PDE4D: variants seen among roughly 807,000 people sequenced by gnomAD.
PDE4D encodes 3',5'-cyclic-AMP phosphodiesterase 4D.
PDE4D carries 24 observed loss-of-function variants against 87.4 expected under a neutral mutation model. That is an observed-to-expected ratio of 0.27 (90% CI 0.20 to 0.39). The LOEUF (loss-of-function observed/expected upper bound fraction) is 0.39, where lower values mean the gene tolerates loss of function less well. Ranked by LOEUF, PDE4D falls within the 10% of genes least tolerant of loss-of-function variation. The pLI is 1.00. For missense variants in PDE4D, 714 were observed against 1,041.0 expected, an observed-to-expected ratio of 0.69 and a Z score of 4.32; for synonymous variants, 384 against 383.2, an observed-to-expected ratio of 1.00 and a Z score of -0.02.
chr5:59,848,712 T>C (rs956084606), intron 1 of PDE4D, among the ~76,000 whole-genome samples: 2 of 151,980 alleles, frequency 1.3e-5, no homozygotes, highest in Non-Finnish European at 2.9e-5. Context: ...AGGGCTAATA[T>C]AGGAAGTATT....
At position 59,257,037 on chromosome 5, in the gene PDE4D, A is replaced by G. The variant is rs1044061040; in HGVS notation, c.456-41069T>C. On this transcript the variant is annotated intron_variant, in intron 1 of 14. Transcript: ENST00000340635. ...AGAGGGGGGATGAGCATAGAATAATAAAGTGATACATACATCTTTAATAAA... is the reference window on the plus strand; with the variant it reads ...AGAGGGGGGATGAGCATAGAATAATGAAGTGATACATACATCTTTAATAAA... Among the ~76,000 whole-genome samples, 5 of 152,096 alleles carry G rather than the reference A, an allele frequency of 3.3e-5. No individual in the cohort carries two copies. In the South Asian group the frequency reaches 1.0e-3, roughly 31 times the overall value.
intron 5 of PDE4D, chr5:59,179,685 TTAA>T (rs1741021032): frequency 2.2e-6 from 1 of 457,472 alleles, no homozygotes. Flanking sequence ...CACTAATAAC[TTAA>T]TAAGAGCTCC....
rs79989252 is a variant in PDE4D, at chr5:59,910,281, T to C, written c.272+78207A>G. Among the ~76,000 whole-genome samples, 234 of 152,334 alleles carry C rather than the reference T, an allele frequency of 1.5e-3. 1 individual carries two copies. The highest frequency in any genetic ancestry group is 5.3e-3 in the African/African-American group (219 of 41,578). Reference sequence around the variant, plus strand: ...TTCAACTATTCTCCTAGCATACCTATAGACAATGAATAAATAATTTTGAAA... The same window carrying C: ...TTCAACTATTCTCCTAGCATACCTACAGACAATGAATAAATAATTTTGAAA... On this transcript the variant is annotated intron_variant, in intron 3 of 16. Coordinates refer to the PDE4D transcript ENST00000502484.
At chr5:59,403,186 T>C (rs1790997816) in intron 1 of PDE4D, among the ~76,000 whole-genome samples, 1 of 147,000 alleles carries the variant, frequency 6.8e-6, no homozygotes, top group South Asian at 2.2e-4. Context: ...GATAGATAGA[T>C]AGATTGATTG....
At chr5:59,355,639 A>C (rs887843714) in intron 1 of PDE4D, among the ~76,000 whole-genome samples, 1 of 152,178 alleles carries the variant, frequency 6.6e-6, no homozygotes, top group African/African-American at 2.4e-5. Context: ...ATTTTGAAAT[A>C]AAAATAAATG....
intron 1 of PDE4D, among the ~76,000 whole-genome samples, chr5:59,356,593 T>C (rs972628926): frequency 6.6e-6 from 1 of 152,200 alleles, no homozygotes; most frequent in Non-Finnish European, 1.5e-5. Context: ...CGTACCTACA[T>C]ACCCCTATTT....
chr5:59,512,426 T>C (rs1482892806), intron 1 of PDE4D, among the ~76,000 whole-genome samples: 1 of 152,188 alleles, frequency 6.6e-6, no homozygotes, highest in African/African-American at 2.4e-5. Context: ...ATATGCCTTA[T>C]GATATTTAGG....
At chr5:60,468,680 G>A (rs1386511540) in intron 1 of PDE4D, among the ~76,000 whole-genome samples, 2 of 151,632 alleles carry the variant, frequency 1.3e-5, no homozygotes, top group Non-Finnish European at 2.9e-5. Context: ...GTGCCACCAT[G>A]TCTGGCTAAC....
intron 1 of PDE4D, among the ~76,000 whole-genome samples, chr5:59,483,252 G>A (rs1804571088): frequency 6.6e-6 from 1 of 152,098 alleles, no homozygotes; most frequent in African/African-American, 2.4e-5. Flanking sequence ...GTAGCTGTGG[G>A]AGTAAATTCC....
rs146612251 is a variant in PDE4D at position 59,180,575 on chromosome 5, A to T, written c.808+20T>A. 15,014 of 1,608,712 alleles carry T rather than the reference A, an allele frequency of 9.3e-3. 112 individuals carry two copies. Among genetic ancestry groups the T allele is most frequent in the Non-Finnish European group, 9.5e-3 (11,127 of 1,175,962 alleles). ...GTTTCTTCCTAGACACATGAAGAAT[A>T]AGCTCCAGATCTTTCTTACCTGTTA... is the stretch of plus-strand genomic sequence containing the variant. On this transcript the variant is annotated intron_variant, in intron 5 of 14. Transcript: ENST00000340635.
At chr5:59,491,728 A>T (rs1806223773) in intron 1 of PDE4D, among the ~76,000 whole-genome samples, 1 of 152,204 alleles carries the variant, frequency 6.6e-6, no homozygotes, top group Non-Finnish European at 1.5e-5. Flanking sequence ...TTCTTACTTA[A>T]TCTAACTATC....
chr5:59,708,590 C>A (rs1753776799), intron 1 of PDE4D, among the ~76,000 whole-genome samples: 1 of 152,070 alleles, frequency 6.6e-6, no homozygotes, highest in African/African-American at 2.4e-5. Context: ...TGCCAGTCAA[C>A]AAAATTCAGT....
intron 2 of PDE4D, among the ~76,000 whole-genome samples, chr5:60,016,839 A>G (rs961965549): frequency 1.3e-5 from 2 of 152,214 alleles, no homozygotes; most frequent in Non-Finnish European, 2.9e-5. Context: ...ATGCCGGTAA[A>G]TGTTGATATC....
At chr5:60,502,503 T>C (rs552565264) in intron 1 of PDE4D, among the ~76,000 whole-genome samples, 2,062 of 152,086 alleles carry the variant, frequency 0.014, 24 homozygotes, top group South Asian at 0.028. Flanking sequence ...TTTGGTGCCA[T>C]ATGAACTTTA....
intron 2 of PDE4D, among the ~76,000 whole-genome samples, chr5:60,094,955 T>G (rs1775517096): frequency 6.6e-6 from 1 of 152,166 alleles, no homozygotes; most frequent in African/African-American, 2.4e-5. Flanking sequence ...AATGTACAAA[T>G]AGAAGTCTAG....
intron 1 of PDE4D, among the ~76,000 whole-genome samples, chr5:59,411,672 T>A (rs1792706272): frequency 6.6e-6 from 1 of 152,154 alleles, no homozygotes; most frequent in Non-Finnish European, 1.5e-5. Flanking sequence ...CAGATTGGAT[T>A]AGGGGCCACT....
At chr5:59,300,664 A>T (rs72767710) in intron 1 of PDE4D, among the ~76,000 whole-genome samples, 10,810 of 152,156 alleles carry the variant, frequency 0.071, 498 homozygotes, top group South Asian at 0.13. Context: ...GCCTTCTACG[A>T]ACAAACATGT....
intron 1 of PDE4D, among the ~76,000 whole-genome samples, chr5:60,394,192 C>A (rs1336997291): frequency 6.6e-6 from 1 of 152,116 alleles, no homozygotes; most frequent in Admixed American, 6.5e-5. Flanking sequence ...ATGAAGACTC[C>A]AAAATATGCA....
chr5:59,198,444 A>G (rs1392125417), intron 2 of PDE4D, among the ~76,000 whole-genome samples: 1 of 152,232 alleles, frequency 6.6e-6, no homozygotes, highest in African/African-American at 2.4e-5. Flanking sequence ...AACAGCCAGG[A>G]TGAGCCACTG....
Sources: allele counts gnomAD v4.1 joint callset (sites outside exome capture counted in the v4.1 genomes callset), GRCh38; gene constraint gnomAD v4.1.1; transcripts MANE v1.5; gene names NCBI Gene and HGNC (gene_info 2026-07-23, HGNC 2026-07-21).